CHCHD6: variants seen among roughly 807,000 people sequenced by gnomAD.
CHCHD6 encodes coiled-coil-helix-coiled-coil-helix domain containing 6, also known as MICOS complex subunit MIC25.
CHCHD6 carries 28 observed loss-of-function variants against 32.3 expected under a neutral mutation model. That is an observed-to-expected ratio of 0.87 (90% CI 0.64 to 1.19). The LOEUF (loss-of-function observed/expected upper bound fraction) is 1.19, where lower values mean the gene tolerates loss of function less well. Among genes scored for constraint, CHCHD6 ranks in the 50% most tolerant of loss-of-function variants. The pLI, the probability that CHCHD6 is intolerant of heterozygous loss-of-function variation, is 0.00. For missense variants in CHCHD6, 333 were observed against 307.0 expected (o/e 1.08, Z -0.63); for synonymous variants, 122 against 117.5 (o/e 1.04, Z -0.25).
At chr3:126,801,562 C>G (rs1939072569) in intron 4 of CHCHD6, among the ~76,000 whole-genome samples, 1 of 152,244 alleles carries the variant, frequency 6.6e-6, no homozygotes, top group Non-Finnish European at 1.5e-5. Context: ...AGCCAGGAAC[C>G]TCCAGCTGGG....
At chr3:126,780,070 A>G (rs1176934421) in intron 4 of CHCHD6, among the ~76,000 whole-genome samples, 1 of 152,242 alleles carries the variant, frequency 6.6e-6, no homozygotes, top group Non-Finnish European at 1.5e-5. Flanking sequence ...AGCAAATCGT[A>G]TAGTGATTTA....
chr3:126,830,776 G>A (rs896789896), intron 4 of CHCHD6, among the ~76,000 whole-genome samples: 1 of 152,164 alleles, frequency 6.6e-6, no homozygotes, highest in African/African-American at 2.4e-5. Context: ...ATGTCCTTTG[G>A]TGAAACTCTG....
intron 5 of CHCHD6, among the ~76,000 whole-genome samples, chr3:126,875,302 CAGGG>C: frequency 6.6e-6 from 1 of 152,368 alleles, no homozygotes; most frequent in Middle Eastern, 3.4e-3. Context: ...GCCTGTCCAG[CAGGG>C]TGCTGGCCAC....
At chr3:126,915,030 G>T (rs760695237) in intron 6 of CHCHD6, among the ~76,000 whole-genome samples, 2 of 152,246 alleles carry the variant, frequency 1.3e-5, no homozygotes, top group Non-Finnish European at 2.9e-5. Context: ...CTGAGCAGGG[G>T]CTCCTTTCCT....
chr3:126,705,792 T>TA (rs1345291851), intron 1 of CHCHD6, among the ~76,000 whole-genome samples: 1 of 151,982 alleles, frequency 6.6e-6, no homozygotes, highest in Admixed American at 6.5e-5. Flanking sequence ...TGACCTTGGG[T>TA]AAAAAACTCT....
At chr3:126,738,206 C>T (rs1271034643) in intron 4 of CHCHD6, among the ~76,000 whole-genome samples, 2 of 152,128 alleles carry the variant, frequency 1.3e-5, no homozygotes, top group Non-Finnish European at 2.9e-5. Context: ...ATACAGTTGG[C>T]CCTCCCTGTC....
rs1459072293 is a variant in CHCHD6 at position 126,930,742 on chromosome 3, T to TTA, written c.566+15992_566+15993insTA. Among the ~76,000 whole-genome samples the TTA allele has an allele frequency of 2.2e-4, 33 of 152,312 alleles. No homozygotes were observed. In the East Asian group the frequency reaches 5.8e-3, roughly 27 times the overall value. The stretch of plus-strand genomic sequence containing the variant: ...GTTGTGAGGGCTGAGTAAGGAAACC[T>TTA]CTATCCATCCCTACCCCTTCCCTTC... On this transcript the variant is annotated intron_variant, in intron 6 of 7. Transcript: ENST00000290913.
In CHCHD6 at chr3:126,928,851, C is replaced by T. The variant is rs548876972; in HGVS notation, c.566+14101C>T. Among the ~76,000 whole-genome samples, 3 of 152,334 alleles carry T rather than the reference C, an allele frequency of 2.0e-5. No homozygotes were observed. In the South Asian group the frequency reaches 6.2e-4, roughly 32 times the overall value. On this transcript the variant is annotated intron_variant, in intron 6 of 7. Transcript: ENST00000290913. Reference sequence around the variant, plus strand: ...CCGTAGCTGGATGGACCCTCAGAGTCATCTAATCCAGTTAGATACAGGTTG... The same window carrying T: ...CCGTAGCTGGATGGACCCTCAGAGTTATCTAATCCAGTTAGATACAGGTTG...
intron 5 of CHCHD6, among the ~76,000 whole-genome samples, chr3:126,870,146 A>C (rs1006547785): frequency 6.6e-6 from 1 of 152,142 alleles, no homozygotes; most frequent in Non-Finnish European, 1.5e-5. Flanking sequence ...ACCTTACTGG[A>C]GTGTTGCTAA....
intron 5 of CHCHD6, among the ~76,000 whole-genome samples, chr3:126,865,233 A>G (rs114195783): frequency 1.6e-5 from 2 of 126,440 alleles, no homozygotes; most frequent in East Asian, 4.8e-4. Flanking sequence ...CACCACCTCC[A>G]TTTCCACCAA....
chr3:126,809,273 C>A (rs979323195), intron 4 of CHCHD6, among the ~76,000 whole-genome samples: 1 of 152,156 alleles, frequency 6.6e-6, no homozygotes, highest in African/African-American at 2.4e-5. Flanking sequence ...CTGGCCTGAG[C>A]AGTCTGCTTT....
chr3:126,706,745 G>A (rs566478504), intron 1 of CHCHD6, among the ~76,000 whole-genome samples: 1 of 152,204 alleles, frequency 6.6e-6, no homozygotes, highest in Non-Finnish European at 1.5e-5. Flanking sequence ...TCTGTTAGCA[G>A]AGTTACTTGA....
At chr3:126,809,429 T>C (rs115006099) in intron 4 of CHCHD6, among the ~76,000 whole-genome samples, 1 of 152,210 alleles carries the variant, frequency 6.6e-6, no homozygotes, top group African/African-American at 2.4e-5. Context: ...TGTTTAAAAT[T>C]TCTACTGTGG....
intron 4 of CHCHD6, among the ~76,000 whole-genome samples, chr3:126,778,998 C>G (rs1369277015): frequency 6.7e-6 from 1 of 150,122 alleles, no homozygotes; most frequent in Non-Finnish European, 1.5e-5. Flanking sequence ...AACTTCTGGG[C>G]TCAGGCAATG....
chr3:126,946,194 C>T (rs755000102), intron 6 of CHCHD6, among the ~76,000 whole-genome samples: 1 of 152,192 alleles, frequency 6.6e-6, no homozygotes, highest in Non-Finnish European at 1.5e-5. Flanking sequence ...GGCTGGAAGT[C>T]GTCATCCCCC....
At chr3:126,807,885 C>T (rs1276558572) in intron 4 of CHCHD6, among the ~76,000 whole-genome samples, 3 of 152,182 alleles carry the variant, frequency 2.0e-5, no homozygotes, top group African/African-American at 4.8e-5. Context: ...TGCAGTGACC[C>T]ATCTTTGCCA....
At chr3:126,929,017 G>C (rs765084856) in intron 6 of CHCHD6, among the ~76,000 whole-genome samples, 29 of 152,224 alleles carry the variant, frequency 1.9e-4, no homozygotes, top group Non-Finnish European at 3.7e-4. Context: ...GATGGAAACA[G>C]CTCAGGGCTG....
At chr3:126,913,266 G>T (rs1295994668) in intron 5 of CHCHD6, among the ~76,000 whole-genome samples, 164 of 91,164 alleles carry the variant, frequency 1.8e-3, no homozygotes, top group African/African-American at 4.6e-3. Context: ...TTTCACTTTT[G>T]TCGCCCAGGC....
At chr3:126,796,979 C>T (rs1426698285) in intron 4 of CHCHD6, among the ~76,000 whole-genome samples, 1 of 152,178 alleles carries the variant, frequency 6.6e-6, no homozygotes, top group Non-Finnish European at 1.5e-5. Flanking sequence ...CCACCAGTGG[C>T]TTTTCTACCC....
Sources: gnomAD v4.1 joint callset for allele counts (sites outside exome capture counted in the v4.1 genomes callset) on GRCh38, gnomAD v4.1.1 for gene constraint, MANE v1.5 for transcripts, NCBI Gene and HGNC (gene_info 2026-07-23, HGNC 2026-07-21) for gene names.